The following CFDP1 variants were observed in gnomAD, a reference collection of about 807,000 sequenced individuals.
CFDP1 encodes the protein heterochromatin-stabilizing protein CFDP1.
In CFDP1, 31 loss-of-function variants were observed where a neutral mutation model predicts 40.1. The ratio of observed to expected loss-of-function variants is 0.77; its 90% CI spans 0.58 to 1.04. The LOEUF (loss-of-function observed/expected upper bound fraction) is 1.04. Among genes scored for constraint, CFDP1 ranks in the 50% least tolerant of loss-of-function variants. The pLI is 0.00. For missense variants in CFDP1, 423 were observed against 343.4 expected, an observed-to-expected ratio of 1.23 and a Z score of -1.83; for synonymous variants, 167 against 120.0, an observed-to-expected ratio of 1.39 and a Z score of -2.56.
Position 75,424,623 on chromosome 16 carries a change from G to A in CFDP1, c.64+8666C>T, listed in dbSNP as rs145350059. ...ACAAAAACTTAGCGGGCGTGGTGGC[G>A]GGCGCCTGTAGTCCCAACTACTCGG... On this transcript the variant is annotated intron_variant, in intron 1 of 6. Transcript: ENST00000283882. 1.5e-3 allele frequency among the ~76,000 whole-genome samples: 225 copies of A among 152,062 alleles called. 2 individuals carry two copies. Among genetic ancestry groups the A allele is most frequent in the African/African-American group, 5.0e-3 (207 of 41,488 alleles).
chr16:75,346,153 TGA>T (rs1375609298), intron 5 of CFDP1, among the ~76,000 whole-genome samples: 7 of 152,122 alleles, frequency 4.6e-5, no homozygotes, highest in Admixed American at 4.6e-4. Flanking sequence ...ACATGTGAAG[TGA>T]AAGTAACAGA....
At chr16:75,297,088 T>G (rs980145473) in intron 6 of CFDP1, among the ~76,000 whole-genome samples, 1 of 151,600 alleles carries the variant, frequency 6.6e-6, no homozygotes, top group African/African-American at 2.4e-5. Context: ...TTGTATACAA[T>G]AAAACAAAAA....
chr16:75,362,917 A>C (rs1309046677), intron 5 of CFDP1: 1 of 152,196 alleles, frequency 6.6e-6, no homozygotes, highest in African/African-American at 2.4e-5. Context: ...TTTTGTTATT[A>C]TGGCAGTGGC....
At chr16:75,394,748 C>T (rs2078982306) in intron 5 of CFDP1, 1 of 151,900 alleles carries the variant, frequency 6.6e-6, no homozygotes, top group Non-Finnish European at 1.4e-5. Flanking sequence ...ACTGCAGCCT[C>T]AACCTTCTGG....
At chr16:75,318,072 G>T (rs934587609) in intron 5 of CFDP1, among the ~76,000 whole-genome samples, 1 of 152,106 alleles carries the variant, frequency 6.6e-6, no homozygotes, top group African/African-American at 2.4e-5. Flanking sequence ...AGTGTGCCGA[G>T]ATCGCGCCAC....
chr16:75,377,357 C>T (rs2078808883), intron 5 of CFDP1, among the ~76,000 whole-genome samples: 1 of 152,188 alleles, frequency 6.6e-6, no homozygotes, highest in African/African-American at 2.4e-5. Flanking sequence ...CATTAAAATG[C>T]TCTCCATCAT....
Position 75,391,103 on chromosome 16 carries a change from C to A in CFDP1, c.650+3987G>T, listed in dbSNP as rs1834685226. On this transcript the variant is annotated intron_variant, in intron 5 of 6. Coordinates refer to ENST00000283882, the MANE Select transcript of CFDP1 (RefSeq NM_006324.3). The stretch of plus-strand genomic sequence containing the variant: ...AGTGACTTAAGCTGATTTTAAGCTG[C>A]CATTTCTCCATTCTTTAGTTATTTT... Among the ~76,000 whole-genome samples the A allele has an allele frequency of 2.6e-5, 4 of 152,188 alleles. No individual in the cohort carries two copies. The South Asian group carries it at 8.3e-4, about 32-fold the overall frequency.
intron 1 of CFDP1, among the ~76,000 whole-genome samples, chr16:75,428,778 T>C (rs1419169601): frequency 2.0e-5 from 3 of 151,858 alleles, no homozygotes; most frequent in African/African-American, 7.3e-5. Flanking sequence ...CTCAGCAAAA[T>C]GGCTGAAAAC....
intron 5 of CFDP1, among the ~76,000 whole-genome samples, chr16:75,309,819 C>CAAAAAAAAAAAAA (rs1156624164): frequency 2.2e-5 from 1 of 46,480 alleles, no homozygotes; most frequent in Non-Finnish European, 3.5e-5. Context: ...GACTCCATCT[C>CAAAAAAAAAAAAA]AAAAAAAAAA....
chr16:75,307,451 G>A (rs1008900218), intron 5 of CFDP1, among the ~76,000 whole-genome samples: 3 of 151,916 alleles, frequency 2.0e-5, no homozygotes, highest in South Asian at 4.2e-4. Context: ...TCCTGACCTC[G>A]GGTGATCTGC....
At chr16:75,349,084 G>C (rs1246202432) in intron 5 of CFDP1, among the ~76,000 whole-genome samples, 1 of 152,066 alleles carries the variant, frequency 6.6e-6, no homozygotes, top group Admixed American at 6.5e-5. Flanking sequence ...GATCAGGCTG[G>C]TTTTAAATTC....
intron 5 of CFDP1, among the ~76,000 whole-genome samples, chr16:75,383,416 T>C (rs777188663): frequency 6.6e-6 from 1 of 152,210 alleles, no homozygotes; most frequent in Non-Finnish European, 1.5e-5. Flanking sequence ...CTTAGTGCTA[T>C]GATTAGGATG....
chr16:75,403,486 C>T (rs140650793), intron 4 of CFDP1, among the ~76,000 whole-genome samples: 2,320 of 152,228 alleles, frequency 0.015, 57 homozygotes, highest in African/African-American at 0.052. Context: ...CCCAAAGTGC[C>T]GGGATTACAG....
At chr16:75,359,778 A>G (rs2078670349) in intron 5 of CFDP1, among the ~76,000 whole-genome samples, 1 of 152,188 alleles carries the variant, frequency 6.6e-6, no homozygotes, top group Non-Finnish European at 1.5e-5. Flanking sequence ...CTCTGGCCCA[A>G]CAGGGATATG....
At chr16:75,410,765 C>A (rs769215746) in intron 4 of CFDP1, among the ~76,000 whole-genome samples, 1 of 151,456 alleles carries the variant, frequency 6.6e-6, no homozygotes, top group Non-Finnish European at 1.5e-5. Flanking sequence ...AAAAATTAGC[C>A]GGGCATGGTG....
At chr16:75,339,677 A>G (rs1057062369) in intron 5 of CFDP1, among the ~76,000 whole-genome samples, 1 of 152,172 alleles carries the variant, frequency 6.6e-6, no homozygotes, top group African/African-American at 2.4e-5. Context: ...GGAATTCCTC[A>G]GATTTCTAGA....
intron 1 of CFDP1, among the ~76,000 whole-genome samples, chr16:75,428,857 C>T (rs2079374664): frequency 6.6e-6 from 1 of 152,134 alleles, no homozygotes; most frequent in African/African-American, 2.4e-5. Context: ...AGGCTCACGC[C>T]TGTAATCCCA....
rs1257444540 is a variant in CFDP1, at chr16:75,424,757, A to G, written c.64+8532T>C. Among the ~76,000 whole-genome samples, 5 of 36,812 alleles carry G rather than the reference A, an allele frequency of 1.4e-4. No individual in the cohort carries two copies. In the East Asian group the frequency reaches 4.8e-3, roughly 35 times the overall value. 24.2% of individuals were successfully genotyped at this position (36,812 alleles called of 152,430 possible). Reference sequence around the variant, plus strand: ...GGCAACAGAGGGAGACTCCGTCTCAAAAAAAAAAAAAAAAAGATTGGGAAA... The same window carrying G: ...GGCAACAGAGGGAGACTCCGTCTCAGAAAAAAAAAAAAAAAGATTGGGAAA... On this transcript the variant is annotated intron_variant, in intron 1 of 6. Coordinates refer to ENST00000283882, the MANE Select transcript of CFDP1 (RefSeq NM_006324.3).
At chr16:75,410,024 C>A (rs1337546865) in intron 4 of CFDP1, among the ~76,000 whole-genome samples, 1 of 114,402 alleles carries the variant, frequency 8.7e-6, no homozygotes, top group African/African-American at 3.5e-5. Context: ...GTGTTCAAGA[C>A]CAGCCTAGGC....
Sources: gnomAD v4.1 joint callset for allele counts (sites outside exome capture counted in the v4.1 genomes callset) on GRCh38, gnomAD v4.1.1 for gene constraint, MANE v1.5 for transcripts, NCBI Gene and HGNC (gene_info 2026-07-23, HGNC 2026-07-21) for gene names.